The following ARMH3 variants were observed in gnomAD, a reference collection of about 807,000 sequenced individuals.
The protein encoded by ARMH3 is armadillo like helical domain containing 3.
In ARMH3, 60 loss-of-function variants were observed where a neutral mutation model predicts 99.1. The observed-to-expected ratio is 0.61, with a 90% CI of 0.49 to 0.75. The LOEUF (loss-of-function observed/expected upper bound fraction) is 0.75. ARMH3 is among the 30% of genes least tolerant of loss of function. The pLI, the probability that ARMH3 is intolerant of heterozygous loss-of-function variation, is 0.00. For missense variants in ARMH3, 679 were observed against 843.1 expected (o/e 0.81, Z 2.41); for synonymous variants, 285 against 292.8 (o/e 0.97, Z 0.27).
chr10:102,052,316 T>G (rs973731145), intron 1 of ARMH3, among the ~76,000 whole-genome samples: 3 of 152,014 alleles, frequency 2.0e-5, no homozygotes, highest in African/African-American at 7.2e-5. Flanking sequence ...CTCAACCTCC[T>G]GGGCTTACAC....
chr10:101,976,577 T>C (rs1216187279), intron 19 of ARMH3, among the ~76,000 whole-genome samples: 1 of 152,106 alleles, frequency 6.6e-6, no homozygotes, highest in Non-Finnish European at 1.5e-5. Flanking sequence ...TGGGTCACAA[T>C]TAAACTATTC....
intron 5 of ARMH3, among the ~76,000 whole-genome samples, chr10:102,028,091 T>C (rs552825894): frequency 2.0e-5 from 3 of 151,332 alleles, no homozygotes; most frequent in African/African-American, 7.3e-5. Flanking sequence ...AAAACAACTG[T>C]TGACATAATG....
At chr10:101,994,325 G>A (rs569317930) in intron 16 of ARMH3, among the ~76,000 whole-genome samples, 7 of 152,254 alleles carry the variant, frequency 4.6e-5, no homozygotes, top group African/African-American at 1.4e-4. Context: ...CTAATAAGCA[G>A]CTCTTCCATA....
chr10:101,847,416 G>T lies in ARMH3; in HGVS notation c.*112C>A, dbSNP rs2066486641. On this transcript the variant is annotated 3_prime_UTR_variant, in exon 26 of 26. Transcript: ENST00000370033. ...GTGCGGTCTTCACCAAGAGAACTTGGTATCTGTGTTTCTCTCCAACCTCGG... is the reference window on the plus strand; with the variant it reads ...GTGCGGTCTTCACCAAGAGAACTTGTTATCTGTGTTTCTCTCCAACCTCGG... 4.7e-6 allele frequency: 5 copies of T among 1,058,708 alleles called. No individual in the cohort carries two copies. Among genetic ancestry groups the T allele is most frequent in the Non-Finnish European group, 7.2e-6 (5 of 691,498 alleles). The allele number at this position is 1,058,708 out of a possible 1,614,324, so 65.6% of individuals were successfully genotyped here.
chr10:101,956,535 C>T (rs1251845335), intron 22 of ARMH3, 62 bp downstream of exon 22: 2 of 1,578,196 alleles, frequency 1.3e-6, no homozygotes, highest in African/African-American at 1.4e-5. Context: ...TAGTCTTTTC[C>T]TCTTATATGC....
At chr10:102,009,334 T>G (rs1322692727) in intron 13 of ARMH3, 40 bp downstream of exon 13, 1 of 1,552,482 alleles carries the variant, frequency 6.4e-7, no homozygotes, top group Non-Finnish European at 8.9e-7. Flanking sequence ...GGTATGAAAT[T>G]TAGAGAGAAA....
intron 16 of ARMH3, among the ~76,000 whole-genome samples, chr10:101,994,559 G>A (rs1039973863): frequency 2.0e-5 from 3 of 152,166 alleles, no homozygotes; most frequent in African/African-American, 4.8e-5. Flanking sequence ...GATACATGGT[G>A]AGTTTGAACC....
chr10:101,955,537 T>C (rs947614491), intron 22 of ARMH3, among the ~76,000 whole-genome samples: 2 of 152,168 alleles, frequency 1.3e-5, no homozygotes, highest in Admixed American at 6.6e-5. Flanking sequence ...AAAAAAAATA[T>C]TTTCCTCCCA....
At chr10:102,045,591 C>T (rs2067528693) in intron 1 of ARMH3, among the ~76,000 whole-genome samples, 1 of 152,180 alleles carries the variant, frequency 6.6e-6, no homozygotes, top group South Asian at 2.1e-4. Flanking sequence ...CTAAACAGAG[C>T]ATAAACATTC....
intron 1 of ARMH3, among the ~76,000 whole-genome samples, chr10:102,047,526 A>C (rs2067586355): frequency 6.7e-6 from 1 of 149,266 alleles, no homozygotes; most frequent in Non-Finnish European, 1.5e-5. Flanking sequence ...TCACTCTGTC[A>C]CCCAGGCTGG....
chr10:101,872,608 G>C lies in ARMH3; in HGVS notation c.1860+16804C>G, dbSNP rs192723512. On this transcript the variant is annotated intron_variant, in intron 24 of 25. Transcript: ENST00000370033. ...GCTAACTCAGGAGGCTGAAGCAGGA[G>C]AATCACTTGAACTTGCTCTAGTCAT... is the stretch of plus-strand genomic sequence containing the variant. 3.6e-4 allele frequency among the ~76,000 whole-genome samples: 55 copies of C among 152,204 alleles called. 2 individuals carry two copies. Among genetic ancestry groups the C allele is most frequent in the African/African-American group, 1.3e-3 (54 of 41,508 alleles).
intron 4 of ARMH3, 110 bp from the exon 5 acceptor site, chr10:102,029,855 T>C: frequency 9.1e-7 from 1 of 1,098,136 alleles, no homozygotes; most frequent in Non-Finnish European, 1.3e-6. Context: ...TCAATTTCTC[T>C]GAGTTCTGAG....
chr10:101,996,257 C>A (rs1032088038), intron 15 of ARMH3, among the ~76,000 whole-genome samples: 1 of 152,108 alleles, frequency 6.6e-6, no homozygotes, highest in African/African-American at 2.4e-5. Context: ...TCAACAGGAC[C>A]CAGAATGAAG....
At chr10:102,019,842 G>C (rs988218427) in intron 8 of ARMH3, among the ~76,000 whole-genome samples, 3 of 150,996 alleles carry the variant, frequency 2.0e-5, no homozygotes, top group Non-Finnish European at 4.4e-5. Context: ...GCAGGAGAAT[G>C]GCATGAACCC....
chr10:102,055,497 T>C (rs1034759620), intron 1 of ARMH3, among the ~76,000 whole-genome samples: 5 of 152,118 alleles, frequency 3.3e-5, no homozygotes, highest in Admixed American at 2.0e-4. Context: ...TCCTTCCCTA[T>C]ACCCTCCTGG....
chr10:101,934,824 T>C (rs1174860944), intron 23 of ARMH3, among the ~76,000 whole-genome samples: 1 of 152,150 alleles, frequency 6.6e-6, no homozygotes, highest in Admixed American at 6.6e-5. Flanking sequence ...ATAAGGTTAA[T>C]AGCAGACATC....
intron 24 of ARMH3, among the ~76,000 whole-genome samples, chr10:101,875,374 G>A (rs533490700): frequency 1.3e-5 from 2 of 152,200 alleles, no homozygotes; most frequent in East Asian, 1.9e-4. Context: ...TCTCTCCAGG[G>A]TACAAACACT....
intron 23 of ARMH3, among the ~76,000 whole-genome samples, chr10:101,922,579 G>A (rs1843346562): frequency 6.6e-6 from 1 of 152,036 alleles, no homozygotes; most frequent in Non-Finnish European, 1.5e-5. Context: ...AAGGTGAGTG[G>A]TTCATCTATG....
chr10:101,948,912 C>T (rs1272845713), intron 22 of ARMH3, among the ~76,000 whole-genome samples: 2 of 151,926 alleles, frequency 1.3e-5, no homozygotes, highest in Non-Finnish European at 1.5e-5. Context: ...CAAAACAAAA[C>T]TAAACTAGAA....
Sources: allele counts gnomAD v4.1 joint callset (sites outside exome capture counted in the v4.1 genomes callset), GRCh38; gene constraint gnomAD v4.1.1; transcripts MANE v1.5; gene names NCBI Gene and HGNC (gene_info 2026-07-23, HGNC 2026-07-21).